The following NDUFA7 variants were observed in gnomAD, a reference collection of about 807,000 sequenced individuals.
The protein encoded by NDUFA7 is NADH:ubiquinone oxidoreductase subunit A7.
A neutral mutation model predicts 14.2 loss-of-function variants in NDUFA7; 18 were observed. That is an observed-to-expected ratio of 1.27 (90% CI 0.88 to 1.88). The LOEUF is 1.88. Among genes scored for constraint, NDUFA7 ranks in the 40% most tolerant of loss-of-function variants. The pLI is 0.00. For synonymous variants in NDUFA7, 75 were observed against 62.1 expected (o/e 1.21, Z -0.98); for missense variants, 172 against 147.3 (o/e 1.17, Z -0.87).
Position 8,311,313 on chromosome 19 carries a change from G to C in NDUFA7, c.*192C>G, listed in dbSNP as rs918684543. The C allele has an allele frequency of 7.0e-6, 3 of 429,180 alleles. No individual in the cohort carries two copies. Among genetic ancestry groups the C allele is most frequent in the African/African-American group, 4.1e-5 (2 of 48,416 alleles). 26.6% of individuals were successfully genotyped at this position (429,180 alleles called of 1,614,324 possible). A position where few individuals can be genotyped will look rare whatever the true frequency, so the allele number is the denominator to read the frequency against. On this transcript the variant is annotated 3_prime_UTR_variant, in exon 4 of 4. Coordinates refer to ENST00000301457, the MANE Select transcript of NDUFA7 (RefSeq NM_005001.5). Reference sequence around the variant, plus strand: ...CCAGCACTTTGGGAGGTCAAGGCAGGAGGATCGCTTGAGGCCAGGAGTTCA... The same window carrying C: ...CCAGCACTTTGGGAGGTCAAGGCAGCAGGATCGCTTGAGGCCAGGAGTTCA...
Position 8,313,213 on chromosome 19 carries a change from G to A in NDUFA7, c.252-1618C>T, listed in dbSNP as rs112783670. ...TGGGATTACAGGCACACACCACTGC[G>A]CCTGGCCTATTCACAGAGTTCTTTT... On this transcript the variant is annotated intron_variant, in intron 3 of 3. Coordinates refer to ENST00000301457, the MANE Select transcript of NDUFA7 (RefSeq NM_005001.5). Among the ~76,000 whole-genome samples the A allele has an allele frequency of 7.5e-3, 1,131 of 151,144 alleles. 12 individuals are homozygous for A. Among genetic ancestry groups the A allele is most frequent in the African/African-American group, 0.025 (1,037 of 41,192 alleles).
downstream of NDUFA7, among the ~76,000 whole-genome samples, chr19:8,309,679 C>A (rs1444860703): frequency 6.6e-6 from 1 of 152,140 alleles, no homozygotes; most frequent in Non-Finnish European, 1.5e-5. Context: ...AGGACCCACT[C>A]TGGGACACTG....
chr19:8,310,071 C>T (rs1395905394), downstream of NDUFA7, among the ~76,000 whole-genome samples: 1 of 152,178 alleles, frequency 6.6e-6, no homozygotes, highest in Non-Finnish European at 1.5e-5. Context: ...CATGGTCAAG[C>T]AGGAGCCTCA....
intron 3 of NDUFA7, among the ~76,000 whole-genome samples, chr19:8,312,912 G>A (rs764601119): frequency 6.6e-6 from 1 of 152,042 alleles, no homozygotes; most frequent in Non-Finnish European, 1.5e-5. Flanking sequence ...CGATCCACCC[G>A]CCTCGGCCTC....
rs776147620 is a variant in NDUFA7, at chr19:8,311,456, G to A, written c.*49C>T. The stretch of plus-strand genomic sequence containing the variant: ...CATAAATTAGGTCACATTCTCCCTG[G>A]AGGAAATCCAAGGAGGCAAAGTAGT... On this transcript the variant is annotated 3_prime_UTR_variant, in exon 4 of 4. Transcript: ENST00000301457. The A allele has an allele frequency of 2.1e-6, 3 of 1,444,554 alleles. No homozygotes were observed. The highest frequency in any genetic ancestry group is 9.6e-7 in the Non-Finnish European group (1 of 1,046,426). The allele number at this position is 1,444,554 out of a possible 1,614,324, so 89.5% of individuals were successfully genotyped here.
chr19:8,316,563 C>A lies in NDUFA7; in HGVS notation c.184G>T (p.Glu62Ter), dbSNP rs1242700432. The A allele has an allele frequency of 3.1e-6, 5 of 1,614,006 alleles. No homozygotes were observed. Among genetic ancestry groups the A allele is most frequent in the African/African-American group, 1.3e-5 (1 of 74,920 alleles). The part of the protein sequence containing the change: ...NYYCTRDGRR[E>*]SVPPSIIMSS... ...ATGATGATGGAAGGGGGCACAGATT[C>A]CCGGCGGCCATCGCGAGTGCAATAG... The change falls in exon 3 of 4, where the codon GAA becomes TAA. Residue 62 changes from glutamate to a stop codon, truncating the protein, a stop_gained. Coordinates refer to ENST00000301457, the MANE Select transcript of NDUFA7 (RefSeq NM_005001.5). LOFTEE classifies it high-confidence loss of function.
rs769685392 is a variant in NDUFA7, at chr19:8,316,495, CCT to C, written c.250_251del (p.Ser84LeufsTer7). ...TGGTGAGCAGCGCTGGAGATCCTCA[CCT>C]CTCTGCTGGCTTGCCTGACACCAGC... The part of the protein sequence containing the change: ...KALVSGKPAE[S>X]SAVAATEKKA... On this transcript the variant is annotated frameshift_variant and splice_region_variant, in exon 3 of 4. Transcript: ENST00000301457. LOFTEE classifies it high-confidence loss of function. 11 of 1,613,752 alleles carry C rather than the reference CCT, an allele frequency of 6.8e-6. No individual in the cohort carries two copies. In the South Asian group the frequency reaches 1.1e-4, roughly 16 times the overall value.
downstream of NDUFA7, chr19:8,310,625 C>CT (rs1345539186): frequency 6.6e-6 from 1 of 152,232 alleles, no homozygotes; most frequent in Non-Finnish European, 1.5e-5. Flanking sequence ...AAGGGCAGTG[C>CT]TGTCTCCAGG....
chr19:8,319,576 A>G (rs1343614127), intron 2 of NDUFA7: 2 of 152,108 alleles, frequency 1.3e-5, no homozygotes, highest in African/African-American at 2.4e-5. Context: ...AAAAAAAAAA[A>G]AAAAGTTGAA....
At chr19:8,318,951 AGAGT>A (rs1970267872) in intron 2 of NDUFA7, among the ~76,000 whole-genome samples, 1 of 151,026 alleles carries the variant, frequency 6.6e-6, no homozygotes, top group Non-Finnish European at 1.5e-5. Context: ...GCTTGGCGAC[AGAGT>A]GAGACTCTGT....
At chr19:8,309,004 T>C (rs1370000509), downstream of NDUFA7, 1 of 151,222 alleles carries the variant, frequency 6.6e-6, no homozygotes, top group African/African-American at 2.4e-5. Context: ...GCAGATCGCT[T>C]GAGCCCAGGA....
intron 2 of NDUFA7, 47 bp downstream of exon 2, chr19:8,320,810 G>A (rs764551250): frequency 6.2e-7 from 1 of 1,611,106 alleles, no homozygotes; most frequent in Non-Finnish European, 8.5e-7. Context: ...GTTTTTGGTG[G>A]AGAAAGGACA....
At chr19:8,316,092 TGAGCC>T (rs1045912813) in intron 3 of NDUFA7, among the ~76,000 whole-genome samples, 1 of 135,928 alleles carries the variant, frequency 7.4e-6, no homozygotes, top group African/African-American at 2.9e-5. Flanking sequence ...GAGATTGCAG[TGAGCC>T]GAGATCACAC....
At chr19:8,316,347 C>T (rs1458584150) in intron 3 of NDUFA7, 149 bp downstream of exon 3, 17 of 1,203,758 alleles carry the variant, frequency 1.4e-5, no homozygotes, top group Middle Eastern at 2.9e-4. Flanking sequence ...AATGAGCTCT[C>T]GGACAAAAAG....
intron 2 of NDUFA7, among the ~76,000 whole-genome samples, chr19:8,320,322 C>G (rs896481204): frequency 1.3e-5 from 2 of 152,112 alleles, no homozygotes; most frequent in African/African-American, 4.8e-5. Flanking sequence ...ACAATACTAC[C>G]TGCTGTGTTT....
chr19:8,320,440 G>A (rs186455401), intron 2 of NDUFA7, among the ~76,000 whole-genome samples: 1 of 152,292 alleles, frequency 6.6e-6, no homozygotes, highest in African/African-American at 2.4e-5. Flanking sequence ...TACATGACGG[G>A]GGCTTGTAAA....
Position 8,316,597 on chromosome 19 carries a change from GGA to G in NDUFA7, c.148_149del (p.Ser50GlnfsTer41). The G allele has an allele frequency of 3.1e-6, 5 of 1,614,176 alleles. No homozygotes were observed. The highest frequency in any genetic ancestry group is 4.2e-6 in the Non-Finnish European group (5 of 1,180,022). ...CATCGCGAGTGCAATAGTAATTGTTGGAGAGCTTGTGGCTAGGACCCACAGGG... is the reference window on the plus strand; with the variant it reads ...CATCGCGAGTGCAATAGTAATTGTTGGAGCTTGTGGCTAGGACCCACAGGG... ...KLPVGPSHKL[S>X]NNYYCTRDGR... On this transcript the variant is annotated frameshift_variant, in exon 3 of 4. Coordinates refer to ENST00000301457, the MANE Select transcript of NDUFA7 (RefSeq NM_005001.5). LOFTEE classifies it high-confidence loss of function.
chr19:8,319,814 A>G (rs918446897), intron 2 of NDUFA7, among the ~76,000 whole-genome samples: 1 of 151,764 alleles, frequency 6.6e-6, no homozygotes, highest in African/African-American at 2.4e-5. Context: ...TGACACTCTT[A>G]GCCCTTCCTG....
chr19:8,311,683 A>G, intron 3 of NDUFA7, 88 bp from the exon 4 acceptor site: 1 of 1,070,756 alleles, frequency 9.3e-7, no homozygotes, highest in Non-Finnish European at 1.4e-6. Flanking sequence ...GGACAAACAC[A>G]CCCACAGGGA....
Sources: gnomAD v4.1 joint callset for allele counts (sites outside exome capture counted in the v4.1 genomes callset) on GRCh38, gnomAD v4.1.1 for gene constraint, MANE v1.5 for transcripts, NCBI Gene and HGNC (gene_info 2026-07-23, HGNC 2026-07-21) for gene names.